The following RCOR1 variants were observed in gnomAD, a reference collection of about 807,000 sequenced individuals.
RCOR1 encodes the protein REST corepressor 1.
In RCOR1, 12 loss-of-function variants were observed where a neutral mutation model predicts 64.0. That is an observed-to-expected ratio of 0.19 (90% CI 0.12 to 0.30). RCOR1 has a LOEUF of 0.30. Ranked by LOEUF, RCOR1 falls within the 10% of genes least tolerant of loss-of-function variation. The pLI, the probability that RCOR1 is intolerant of heterozygous loss-of-function variation, is 1.00. For synonymous variants in RCOR1, 279 were observed against 227.2 expected, an observed-to-expected ratio of 1.23 and a Z score of -2.05; for missense variants, 502 against 621.2, an observed-to-expected ratio of 0.81 and a Z score of 2.04.
At chr14:102,627,197 A>G (rs1354449157) in intron 2 of RCOR1, among the ~76,000 whole-genome samples, 2 of 152,164 alleles carry the variant, frequency 1.3e-5, no homozygotes, top group African/African-American at 4.8e-5. Context: ...TGCCTTCTGT[A>G]ACTGCTAGCT....
chr14:102,682,519 T>G (rs759091415), intron 3 of RCOR1, among the ~76,000 whole-genome samples: 1 of 152,232 alleles, frequency 6.6e-6, no homozygotes, highest in Non-Finnish European at 1.5e-5. Context: ...TCCTGAACTT[T>G]GCTAAATAAG....
At chr14:102,613,479 C>T (rs189369449) in intron 2 of RCOR1, among the ~76,000 whole-genome samples, 1,510 of 148,134 alleles carry the variant, frequency 0.01, 14 homozygotes, top group Admixed American at 0.015. Context: ...GTCGCCCAGG[C>T]GGGAGTGCTG....
chr14:102,679,317 T>A (rs890947953), intron 2 of RCOR1, among the ~76,000 whole-genome samples: 3 of 152,090 alleles, frequency 2.0e-5, no homozygotes, highest in Admixed American at 6.5e-5. Flanking sequence ...TTTAAAAAAA[T>A]GTTTGTTTTG....
At chr14:102,622,591 A>G (rs942662800) in intron 2 of RCOR1, among the ~76,000 whole-genome samples, 2 of 152,074 alleles carry the variant, frequency 1.3e-5, no homozygotes, top group African/African-American at 4.8e-5. Flanking sequence ...AACTCACGGT[A>G]TATCAGCAAA....
chr14:102,653,082 G>A (rs1225992510), intron 2 of RCOR1, among the ~76,000 whole-genome samples: 3 of 151,890 alleles, frequency 2.0e-5, no homozygotes, highest in East Asian at 3.9e-4. Context: ...AGAGGCGCGC[G>A]CCAGCCAATT....
At chr14:102,662,590 G>A (rs185035251) in intron 2 of RCOR1, 2 of 453,636 alleles carry the variant, frequency 4.4e-6, no homozygotes, top group African/African-American at 4.1e-5. Flanking sequence ...GTGATGTGTG[G>A]ATCTTTTTTT....
At chr14:102,641,517 T>G (rs1294208011) in intron 2 of RCOR1, among the ~76,000 whole-genome samples, 1 of 151,976 alleles carries the variant, frequency 6.6e-6, no homozygotes, top group African/African-American at 2.4e-5. Context: ...GGCGGATCAC[T>G]TGTGCCCAGG....
At chr14:102,617,972 C>CTTT (rs71305077) in intron 2 of RCOR1, among the ~76,000 whole-genome samples, 5 of 122,548 alleles carry the variant, frequency 4.1e-5, no homozygotes, top group African/African-American at 6.2e-5. Context: ...TTTTTTTTTT[C>CTTT]TTTTTTTTTT....
intron 2 of RCOR1, chr14:102,629,940 CTAT>C (rs1436948707): frequency 1.1e-6 from 1 of 927,948 alleles, no homozygotes; most frequent in African/African-American, 1.8e-5. Context: ...AGTGACTTGA[CTAT>C]TATTACATTA....
chr14:102,689,105 A>G (rs1005554493), intron 3 of RCOR1, among the ~76,000 whole-genome samples: 6 of 152,212 alleles, frequency 3.9e-5, no homozygotes, highest in Admixed American at 1.3e-4. Flanking sequence ...TTAGAGAAGC[A>G]GCTGAACGTT....
intron 3 of RCOR1, among the ~76,000 whole-genome samples, chr14:102,698,710 T>A (rs551979159): frequency 1.1e-3 from 161 of 152,288 alleles, no homozygotes; most frequent in Non-Finnish European, 1.6e-3. Context: ...TGTTTCTAGG[T>A]CTGGTATGCT....
At chr14:102,635,209 A>G (rs997326682) in intron 2 of RCOR1, among the ~76,000 whole-genome samples, 3 of 152,192 alleles carry the variant, frequency 2.0e-5, no homozygotes, top group African/African-American at 7.2e-5. Context: ...CTGTTACAAA[A>G]AAATACTGAA....
At chr14:102,653,983 C>T (rs28393113) in intron 2 of RCOR1, among the ~76,000 whole-genome samples, 11,241 of 32,920 alleles carry the variant, frequency 0.34, 1,653 homozygotes, top group African/African-American at 0.51. Flanking sequence ...TTCTTTCTTT[C>T]TTTTTTTTTT....
intron 2 of RCOR1, among the ~76,000 whole-genome samples, chr14:102,644,370 C>T (rs1309514370): frequency 1.3e-5 from 2 of 152,226 alleles, no homozygotes; most frequent in African/African-American, 4.8e-5. Context: ...GATTCCATCT[C>T]TTGGTAGGAG....
At position 102,721,388 on chromosome 14, in the gene RCOR1, GTTC is replaced by G. The variant is rs1210954906; in HGVS notation, c.1189+16_1189+18del. 5 of 1,610,686 alleles carry G rather than the reference GTTC, an allele frequency of 3.1e-6. No individual in the cohort carries two copies. The highest frequency in any genetic ancestry group is 4.2e-6 in the Non-Finnish European group (5 of 1,176,968). Reference sequence around the variant, plus strand: ...TTCTCGCCGTACAAGGTAGGGGGAAGTTCTTCTAAAGAGTTTAGGAGGCCGGCT... The same window carrying G: ...TTCTCGCCGTACAAGGTAGGGGGAAGTTCTAAAGAGTTTAGGAGGCCGGCT... On this transcript the variant is annotated intron_variant, in intron 10 of 11. Coordinates refer to ENST00000262241, the MANE Select transcript of RCOR1 (RefSeq NM_015156.4).
chr14:102,594,300 G>C (rs58507724), intron 2 of RCOR1, among the ~76,000 whole-genome samples: 1 of 152,196 alleles, frequency 6.6e-6, no homozygotes, highest in South Asian at 2.1e-4. Context: ...ATCCTCCATG[G>C]TTGGAGGGCT....
intron 2 of RCOR1, among the ~76,000 whole-genome samples, chr14:102,652,440 C>G (rs997385989): frequency 1.3e-5 from 2 of 152,196 alleles, no homozygotes; most frequent in African/African-American, 4.8e-5. Context: ...CTCCTCTAGT[C>G]TTCTGGCAGT....
intron 2 of RCOR1, among the ~76,000 whole-genome samples, chr14:102,620,366 A>T (rs1056624295): frequency 3.4e-5 from 5 of 145,900 alleles, no homozygotes; most frequent in Non-Finnish European, 4.6e-5. Context: ...TCGGGAGTTC[A>T]ATACCAGCCT....
chr14:102,617,384 T>G (rs1458801774), intron 2 of RCOR1, among the ~76,000 whole-genome samples: 1 of 152,176 alleles, frequency 6.6e-6, no homozygotes. Flanking sequence ...ATTCCACTTG[T>G]GTACATGTTT....
Sources: gnomAD v4.1 joint callset for allele counts (sites outside exome capture counted in the v4.1 genomes callset) on GRCh38, gnomAD v4.1.1 for gene constraint, MANE v1.5 for transcripts, NCBI Gene and HGNC (gene_info 2026-07-23, HGNC 2026-07-21) for gene names.